The following NIN variants were observed in gnomAD, a reference collection of about 807,000 sequenced individuals.
The protein encoded by NIN is glycogen synthase kinase 3 beta-interacting protein.
Under a neutral mutation model 257.6 loss-of-function variants are expected in NIN, and 137 were observed. That is an observed-to-expected ratio of 0.53 (90% CI 0.46 to 0.61). The LOEUF is 0.61. Ranked by LOEUF, NIN falls within the 20% of genes least tolerant of loss-of-function variation. The pLI, the probability that NIN is intolerant of heterozygous loss-of-function variation, is 0.00. For missense variants in NIN, 2,439 were observed against 2,501.2 expected (o/e 0.98, Z 0.53); for synonymous variants, 918 against 919.8 (o/e 1.00, Z 0.04).
At chr14:50,786,324 T>C (rs1391097945) in intron 5 of NIN, among the ~76,000 whole-genome samples, 1 of 152,168 alleles carries the variant, frequency 6.6e-6, no homozygotes, top group East Asian at 1.9e-4. Flanking sequence ...GAACATTAAT[T>C]CTTGACTTCT....
chr14:50,766,146 C>A (rs1278058155), intron 14 of NIN, among the ~76,000 whole-genome samples, 161 bp downstream of exon 14: 1 of 152,022 alleles, frequency 6.6e-6, no homozygotes, highest in African/African-American at 2.4e-5. Context: ...TTTGCTACAA[C>A]ATTTTGTGGT....
intron 25 of NIN, among the ~76,000 whole-genome samples, chr14:50,739,885 GA>G (rs2041190705): frequency 6.6e-6 from 1 of 152,220 alleles, no homozygotes; most frequent in African/African-American, 2.4e-5. Context: ...AGGACATAAA[GA>G]GAAGGCTGAA....
chr14:50,765,735 G>GA (rs890013498), intron 14 of NIN, among the ~76,000 whole-genome samples: 74 of 127,998 alleles, frequency 5.8e-4, no homozygotes, highest in Middle Eastern at 4.2e-3. Context: ...AATGTATTCA[G>GA]AAAAAAAAAA....
chr14:50,758,099 G>A lies in NIN; in HGVS notation c.2931C>T (p.Asp977=), dbSNP rs199781458. Residue 977 remains aspartate, a synonymous_variant, in exon 18 of 31, where the codon GAC becomes GAT. Transcript: ENST00000530997. ...TGGACATCATTTCCTGCCTTTCCTG[G>A]TCATGTTCCATTTCTAGTCTTTCCA... is the stretch of plus-strand genomic sequence containing the variant. ...QRLERLEMEH[D]QERQEMMSKL... The A allele has an allele frequency of 2.5e-6, 4 of 1,614,100 alleles. No homozygotes were observed. Among genetic ancestry groups the A allele is most frequent in the Admixed American group, 3.3e-5 (2 of 60,016 alleles).
At chr14:50,811,910 T>C (rs371108120) in intron 3 of NIN, among the ~76,000 whole-genome samples, 39 of 149,368 alleles carry the variant, frequency 2.6e-4, no homozygotes, top group South Asian at 8.4e-4. Context: ...AGGAGAATGG[T>C]GTGAACCCGG....
intron 28 of NIN, among the ~76,000 whole-genome samples, chr14:50,730,381 G>T (rs561345034): frequency 1.6e-4 from 24 of 152,282 alleles, no homozygotes; most frequent in South Asian, 1.2e-3. Context: ...CAGTCAAAGT[G>T]GGGGAGAGGA....
intron 14 of NIN, among the ~76,000 whole-genome samples, chr14:50,765,827 A>C (rs1201240066): frequency 1.4e-5 from 2 of 143,860 alleles, no homozygotes; most frequent in African/African-American, 5.0e-5. Flanking sequence ...TAATAATGTT[A>C]ATAGCTAACA....
intron 27 of NIN, among the ~76,000 whole-genome samples, chr14:50,737,775 G>T (rs1212419613): frequency 1.3e-5 from 2 of 151,522 alleles, no homozygotes; most frequent in African/African-American, 4.8e-5. Flanking sequence ...CTCCCAAGTA[G>T]CTGGGACTAT....
In NIN at chr14:50,774,901, G is replaced by A. The variant is rs1018168526; in HGVS notation, c.667-1806C>T. 5.9e-5 allele frequency among the ~76,000 whole-genome samples: 9 copies of A among 152,166 alleles called. No homozygotes were observed. In the South Asian group the frequency reaches 1.0e-3, roughly 18 times the overall value. On this transcript the variant is annotated intron_variant, in intron 7 of 30. Transcript: ENST00000530997. Reference sequence around the variant, plus strand: ...CCGGTTAAATGGCCAACTGGGGCACGCTCTACACTTTGAGCAGGAGCTGTC... The same window carrying A: ...CCGGTTAAATGGCCAACTGGGGCACACTCTACACTTTGAGCAGGAGCTGTC...
chr14:50,775,042 G>A (rs1306136436), intron 7 of NIN, among the ~76,000 whole-genome samples: 1 of 152,200 alleles, frequency 6.6e-6, no homozygotes, highest in Non-Finnish European at 1.5e-5. Flanking sequence ...AGGCCCGGAA[G>A]ATGATGTCAA....
At chr14:50,778,491 CTATT>C (rs1176384461) in intron 6 of NIN, among the ~76,000 whole-genome samples, 1 of 152,206 alleles carries the variant, frequency 6.6e-6, no homozygotes, top group African/African-American at 2.4e-5. Flanking sequence ...TAATAGGTCA[CTATT>C]TAAGACTGTT....
chr14:50,821,011 G>T (rs1357097151), intron 3 of NIN, among the ~76,000 whole-genome samples: 7 of 152,248 alleles, frequency 4.6e-5, no homozygotes, highest in African/African-American at 1.4e-4. Context: ...CAATTTATAC[G>T]TGATAAAAAC....
intron 5 of NIN, among the ~76,000 whole-genome samples, chr14:50,779,555 G>A (rs1450982797): frequency 2.0e-5 from 3 of 152,092 alleles, no homozygotes; most frequent in Non-Finnish European, 2.9e-5. Flanking sequence ...TCAGGAGATC[G>A]AGACCATCCT....
rs4901055 is a variant in NIN, at chr14:50,760,282, A to C, written c.1974T>G (p.His658Gln). The change falls in exon 17 of 31, where the codon CAT becomes CAG. Residue 658 changes from histidine (H) to glutamine (Q), a missense_variant. Physicochemically the swap from His to Gln is conservative, Grantham distance 24 (BLOSUM62 0). This residue lies in a region of NIN where 2,043 missense variants were observed against 2,050.2 expected (regional missense o/e 1.00). Coordinates refer to ENST00000530997, the MANE Select transcript of NIN (RefSeq NM_020921.4). ...KKAQENMKQR[H>Q]ENETHTLEKQ... Reference sequence around the variant, plus strand: ...TTTCTAAGGTGTGCGTTTCGTTCTCATGCCTTTGCTTCATGTTCTCCTGTG... The same window carrying C: ...TTTCTAAGGTGTGCGTTTCGTTCTCCTGCCTTTGCTTCATGTTCTCCTGTG... The C allele has an allele frequency of 2.5e-6, 4 of 1,609,506 alleles. No homozygotes were observed. The highest frequency in any genetic ancestry group is 1.1e-5 in the South Asian group (1 of 91,064).
chr14:50,765,399 T>C lies in NIN; in HGVS notation c.1635+908A>G, dbSNP rs117053904. On this transcript the variant is annotated intron_variant, in intron 14 of 30. Transcript: ENST00000530997. ...TTTAATTATAAAAGCAGTAGAAATG[T>C]TTTCTTAACCATGTATGTATATTTC... Among the ~76,000 whole-genome samples, 995 of 152,300 alleles carry C rather than the reference T, an allele frequency of 6.5e-3. 4 individuals are homozygous for C. Among genetic ancestry groups the C allele is most frequent in the Non-Finnish European group, 0.011 (740 of 68,026 alleles).
intron 5 of NIN, 127 bp from the exon 6 acceptor site, chr14:50,778,931 A>G: frequency 1.0e-6 from 1 of 956,948 alleles, no homozygotes; most frequent in Admixed American, 1.9e-5. Flanking sequence ...TAATTTCAGG[A>G]CTCTCTAGTG....
Position 50,759,964 on chromosome 14 carries a change from C to A in NIN, c.2292G>T (p.Gln764His). 1 of 1,614,214 alleles carries A rather than the reference C, an allele frequency of 6.2e-7. No individual in the cohort carries two copies. Among genetic ancestry groups the A allele is most frequent in the Non-Finnish European group, 8.5e-7 (1 of 1,180,050 alleles). The change falls in exon 17 of 31, where the codon CAG (glutamine) becomes CAT (histidine). Residue 764 changes from glutamine to histidine, a missense_variant. By Grantham distance (24) the Gln-to-His change is conservative. This residue lies in a region of NIN where 2,043 missense variants were observed against 2,050.2 expected (regional missense o/e 1.00). Coordinates refer to ENST00000530997, the MANE Select transcript of NIN (RefSeq NM_020921.4). ...KVRGLTQELEQFHQEQLTSLV... is the reference protein window; with the variant it reads ...KVRGLTQELEHFHQEQLTSLV... ...GGCTTGTCAGCTGCTCCTGGTGAAA[C>A]TGCTCTAGTTCCTGAGTCAAGCCTC...
At chr14:50,764,681 A>G (rs1421541467) in intron 14 of NIN, among the ~76,000 whole-genome samples, 1 of 152,168 alleles carries the variant, frequency 6.6e-6, no homozygotes, top group African/African-American at 2.4e-5. Flanking sequence ...ATGAACTTTA[A>G]AAACATTATG....
intron 29 of NIN, among the ~76,000 whole-genome samples, chr14:50,728,233 A>G (rs1197435185): frequency 6.6e-6 from 1 of 152,198 alleles, no homozygotes; most frequent in African/African-American, 2.4e-5. Flanking sequence ...CTAAAAACTG[A>G]GATCAAAGTT....
Sources: gnomAD v4.1 joint callset for allele counts (sites outside exome capture counted in the v4.1 genomes callset) on GRCh38, gnomAD v4.1.1 for gene constraint, gnomAD v4.1.1 regional missense constraint, MANE v1.5 for transcripts, NCBI Gene and HGNC (gene_info 2026-07-23, HGNC 2026-07-21) for gene names.